CAP2: variants seen among roughly 807,000 people sequenced by gnomAD.
CAP2 encodes adenylyl cyclase-associated protein 2.
Under a neutral mutation model 57.7 loss-of-function variants are expected in CAP2, and 24 were observed. That is an observed-to-expected ratio of 0.42 (90% CI 0.30 to 0.58). The LOEUF is 0.58. CAP2 is among the 20% of genes least tolerant of loss of function. The pLI is 0.22. For synonymous variants in CAP2, 194 were observed against 207.2 expected (o/e 0.94, Z 0.55); for missense variants, 501 against 590.3 (o/e 0.85, Z 1.57).
intron 11 of CAP2, among the ~76,000 whole-genome samples, chr6:17,547,579 C>T (rs771938174): frequency 7.9e-5 from 12 of 152,152 alleles, no homozygotes; most frequent in South Asian, 4.1e-4. Context: ...CGGTGGCTCA[C>T]GCCTGTAATC....
At chr6:17,508,210 C>G (rs1044004769) in intron 6 of CAP2, among the ~76,000 whole-genome samples, 1 of 152,100 alleles carries the variant, frequency 6.6e-6, no homozygotes, top group Non-Finnish European at 1.5e-5. Flanking sequence ...CTGGGGTGTA[C>G]GCAGAGACAC....
At chr6:17,489,132 A>G (rs2113632632) in intron 4 of CAP2, among the ~76,000 whole-genome samples, 1 of 152,304 alleles carries the variant, frequency 6.6e-6, no homozygotes, top group African/African-American at 2.4e-5. Context: ...CCACAGAGAA[A>G]CTACCTTTAA....
chr6:17,500,682 G>T (rs1163476075), intron 4 of CAP2, among the ~76,000 whole-genome samples: 2 of 152,024 alleles, frequency 1.3e-5, no homozygotes, highest in Admixed American at 1.3e-4. Context: ...ACTTTTGAAG[G>T]TGTGAAACTG....
At chr6:17,544,980 A>T (rs571769901) in intron 11 of CAP2, among the ~76,000 whole-genome samples, 3 of 152,364 alleles carry the variant, frequency 2.0e-5, no homozygotes, top group African/African-American at 7.2e-5. Context: ...TTCAAGGATG[A>T]TCATGGTTCA....
chr6:17,516,845 G>A (rs758313337), intron 7 of CAP2, among the ~76,000 whole-genome samples: 1 of 152,144 alleles, frequency 6.6e-6, no homozygotes, highest in Admixed American at 6.6e-5. Flanking sequence ...ATGTTAACAC[G>A]ACCCTTCAAG....
Position 17,448,574 on chromosome 6 carries a change from T to A in CAP2, c.223-14422T>A, listed in dbSNP as rs557455765. Among the ~76,000 whole-genome samples, 8 of 152,354 alleles carry A rather than the reference T, an allele frequency of 5.3e-5. No individual in the cohort carries two copies. The South Asian group carries it at 1.7e-3, about 32-fold the overall frequency. ...GTTTTAAATTCTTTCCAGTCTTTGA[T>A]CTTTTAAAATATAAATTGCAATAAT... On this transcript the variant is annotated intron_variant, in intron 3 of 12. Coordinates refer to ENST00000229922, the MANE Select transcript of CAP2 (RefSeq NM_006366.3).
At chr6:17,396,085 A>T (rs2113491555) in intron 1 of CAP2, among the ~76,000 whole-genome samples, 1 of 152,350 alleles carries the variant, frequency 6.6e-6, no homozygotes, top group Non-Finnish European at 1.5e-5. Context: ...AGAAATGCAA[A>T]TCAAAACCAC....
chr6:17,509,768 A>G (rs1762097559), intron 6 of CAP2, among the ~76,000 whole-genome samples: 1 of 152,022 alleles, frequency 6.6e-6, no homozygotes, highest in African/African-American at 2.4e-5. Flanking sequence ...TGTACACAAT[A>G]TTCATTGCAG....
chr6:17,499,614 T>C (rs1209940010), intron 4 of CAP2, among the ~76,000 whole-genome samples: 1 of 151,830 alleles, frequency 6.6e-6, no homozygotes, highest in Non-Finnish European at 1.5e-5. Context: ...TTTGAGAGGC[T>C]GGGGTGGGAG....
At chr6:17,463,775 G>A (rs1760790676) in intron 4 of CAP2, among the ~76,000 whole-genome samples, 1 of 152,076 alleles carries the variant, frequency 6.6e-6, no homozygotes, top group Non-Finnish European at 1.5e-5. Context: ...TAAGAACTTA[G>A]GTATAGTCCA....
At chr6:17,409,104 G>A (rs868543702) in intron 1 of CAP2, among the ~76,000 whole-genome samples, 23 of 146,886 alleles carry the variant, frequency 1.6e-4, no homozygotes, top group African/African-American at 5.8e-4. Context: ...GGGCGTGGTG[G>A]CTCACGCCTG....
At chr6:17,514,537 G>A (rs1194526422) in intron 7 of CAP2, among the ~76,000 whole-genome samples, 1 of 152,090 alleles carries the variant, frequency 6.6e-6, no homozygotes, top group Non-Finnish European at 1.5e-5. Context: ...ATCACCTGAG[G>A]TCAGGAGTTT....
At chr6:17,494,028 G>A (rs1041509283) in intron 4 of CAP2, among the ~76,000 whole-genome samples, 2 of 152,044 alleles carry the variant, frequency 1.3e-5, no homozygotes, top group East Asian at 1.9e-4. Flanking sequence ...CCCCACATCC[G>A]GTCTAAAATC....
At chr6:17,482,401 C>A (rs1212392695) in intron 4 of CAP2, among the ~76,000 whole-genome samples, 1 of 149,456 alleles carries the variant, frequency 6.7e-6, no homozygotes, top group Middle Eastern at 3.5e-3. Flanking sequence ...CCCAGCTACT[C>A]GGGAGGCTGA....
intron 4 of CAP2, among the ~76,000 whole-genome samples, chr6:17,474,312 A>G (rs1325751320): frequency 6.7e-6 from 1 of 148,908 alleles, no homozygotes; most frequent in Non-Finnish European, 1.5e-5. Context: ...TTTTTCCCAT[A>G]ACTAAACAGG....
intron 6 of CAP2, among the ~76,000 whole-genome samples, chr6:17,508,812 C>T (rs1347104527): frequency 1.3e-5 from 2 of 149,344 alleles, no homozygotes; most frequent in Admixed American, 1.3e-4. Context: ...TACAGTGGTG[C>T]GATCTTGGCA....
chr6:17,531,215 C>G, intron 7 of CAP2: 1 of 773,082 alleles, frequency 1.3e-6, no homozygotes, highest in Non-Finnish European at 2.3e-6. Context: ...TTGGGTACCC[C>G]CATGCAGTGT....
chr6:17,542,420 C>A (rs1762927858), intron 9 of CAP2, among the ~76,000 whole-genome samples: 1 of 152,006 alleles, frequency 6.6e-6, no homozygotes, highest in Non-Finnish European at 1.5e-5. Flanking sequence ...GGACCAAAGT[C>A]CCTGGAGAGT....
chr6:17,435,758 G>C (rs1476375072), intron 3 of CAP2, among the ~76,000 whole-genome samples: 1 of 134,222 alleles, frequency 7.5e-6, no homozygotes, highest in Non-Finnish European at 1.6e-5. Flanking sequence ...ATATTCTAGA[G>C]ATCTTTTCTG....
Sources: gnomAD v4.1 joint callset for allele counts (sites outside exome capture counted in the v4.1 genomes callset) on GRCh38, gnomAD v4.1.1 for gene constraint, MANE v1.5 for transcripts, NCBI Gene and HGNC (gene_info 2026-07-23, HGNC 2026-07-21) for gene names.